WDFY3: variants seen among roughly 807,000 people sequenced by gnomAD.
WDFY3 encodes WD repeat and FYVE domain-containing protein 3.
Under a neutral mutation model 409.6 loss-of-function variants are expected in WDFY3, and 66 were observed. The ratio of observed to expected loss-of-function variants is 0.16; its 90% confidence interval spans 0.13 to 0.20. The LOEUF (loss-of-function observed/expected upper bound fraction) is 0.20, where lower values mean the gene tolerates loss of function less well. Ranked by LOEUF, WDFY3 falls within the 10% of genes least tolerant of loss-of-function variation. The pLI is 1.00. For synonymous variants in WDFY3, 1,521 were observed against 1,537.1 expected, an observed-to-expected ratio of 0.99 and a Z score of 0.25; for missense variants, 3,031 against 4,298.1, an observed-to-expected ratio of 0.71 and a Z score of 8.24.
At chr4:84,716,194 T>C (rs1263990665) in intron 49 of WDFY3, among the ~76,000 whole-genome samples, 1 of 151,876 alleles carries the variant, frequency 6.6e-6, no homozygotes, top group Non-Finnish European at 1.5e-5. Context: ...TCCCAGCACT[T>C]TGGGAGGCCG....
chr4:84,911,650 C>T (rs1164267693), intron 2 of WDFY3, among the ~76,000 whole-genome samples: 2 of 151,992 alleles, frequency 1.3e-5, no homozygotes, highest in African/African-American at 4.8e-5. Context: ...AGATTTGTGA[C>T]AATTTGAAAA....
chr4:84,844,484 G>A, intron 5 of WDFY3: 1 of 1,289,594 alleles, frequency 7.8e-7, no homozygotes, highest in Non-Finnish European at 1.0e-6. Flanking sequence ...TGAAATCCTT[G>A]GGGGACAGCA....
chr4:84,865,541 TC>T, intron 3 of WDFY3, among the ~76,000 whole-genome samples: 1 of 152,358 alleles, frequency 6.6e-6, no homozygotes, highest in Non-Finnish European at 1.5e-5. Context: ...TGGCCTGCCT[TC>T]GGCAAAAATC....
chr4:84,863,455 G>A (rs1437883608), intron 3 of WDFY3, among the ~76,000 whole-genome samples: 2 of 152,104 alleles, frequency 1.3e-5, no homozygotes, highest in Admixed American at 6.5e-5. Flanking sequence ...GTTTTGATCA[G>A]CATTTCCCTG....
chr4:84,840,189 C>G (rs916036198), intron 6 of WDFY3, among the ~76,000 whole-genome samples: 1 of 152,018 alleles, frequency 6.6e-6, no homozygotes, highest in Non-Finnish European at 1.5e-5. Context: ...CTTTCATCCC[C>G]AAAACATGAA....
chr4:84,690,449 G>A, intron 61 of WDFY3, 57 bp downstream of exon 61: 2 of 1,610,144 alleles, frequency 1.2e-6, no homozygotes, highest in Non-Finnish European at 1.7e-6. Flanking sequence ...TTCCTACAGG[G>A]TGTAGGCACA....
rs372061071 is a variant in WDFY3, at chr4:84,751,456, G to A, written c.5973+27C>T. Reference sequence around the variant, plus strand: ...CTAATTTAAAAAGTAATGCAAAAGAGATGTAAATGCGTTTCTTTTTCTTTA... The same window carrying A: ...CTAATTTAAAAAGTAATGCAAAAGAAATGTAAATGCGTTTCTTTTTCTTTA... On this transcript the variant is annotated intron_variant, in intron 36 of 67. Coordinates refer to ENST00000295888, the MANE Select transcript of WDFY3 (RefSeq NM_014991.6). 2.3e-4 allele frequency: 364 copies of A among 1,601,000 alleles called. 1 individual carries two copies. Among genetic ancestry groups the A allele is most frequent in the Non-Finnish European group, 3.0e-4 (355 of 1,168,312 alleles).
chr4:84,861,946 G>A (rs974013296), intron 3 of WDFY3, among the ~76,000 whole-genome samples: 1 of 152,178 alleles, frequency 6.6e-6, no homozygotes, highest in African/African-American at 2.4e-5. Flanking sequence ...TTTGGATGAA[G>A]GGCCATTTAC....
chr4:84,820,890 C>A (rs1753957693), intron 11 of WDFY3, among the ~76,000 whole-genome samples, 194 bp downstream of exon 11: 1 of 152,050 alleles, frequency 6.6e-6, no homozygotes, highest in Admixed American at 6.6e-5. Flanking sequence ...ATAATTCTAG[C>A]TTCCTCCTCC....
At chr4:84,936,962 T>C (rs922987432) in intron 1 of WDFY3, among the ~76,000 whole-genome samples, 2 of 151,998 alleles carry the variant, frequency 1.3e-5, no homozygotes, top group African/African-American at 4.8e-5. Flanking sequence ...ATTTCCTCCT[T>C]CCAATAAAGC....
At chr4:84,833,698 G>A (rs374408089) in intron 7 of WDFY3, among the ~76,000 whole-genome samples, 31 of 138,504 alleles carry the variant, frequency 2.2e-4, no homozygotes, top group African/African-American at 6.5e-4. Flanking sequence ...AAAGAGAAGA[G>A]AAGAGAAGAG....
chr4:84,868,558 C>A (rs1389632978), intron 3 of WDFY3, among the ~76,000 whole-genome samples: 1 of 152,114 alleles, frequency 6.6e-6, no homozygotes, highest in Non-Finnish European at 1.5e-5. Context: ...ACTATATATA[C>A]CCTGAGCTAC....
chr4:84,774,783 G>C, intron 29 of WDFY3, 37 bp downstream of exon 29: 1 of 1,563,570 alleles, frequency 6.4e-7, no homozygotes, highest in Non-Finnish European at 8.6e-7. Context: ...GGTACTTTTA[G>C]TTAATAAAAA....
chr4:84,740,044 C>G lies in WDFY3; in HGVS notation c.6464+143G>C, dbSNP rs962891918. ...ATTATTTCACTGCAAAAATTCAACA[C>G]TTGCCCTTTACCTTTTTACATAAAG... On this transcript the variant is annotated intron_variant, in intron 39 of 67. Coordinates refer to ENST00000295888, the MANE Select transcript of WDFY3 (RefSeq NM_014991.6). 45 of 836,726 alleles carry G rather than the reference C, an allele frequency of 5.4e-5. No homozygotes were observed. In the African/African-American group the frequency reaches 7.3e-4, roughly 13 times the overall value. 51.8% of individuals were successfully genotyped at this position (836,726 alleles called of 1,614,324 possible).
intron 48 of WDFY3, among the ~76,000 whole-genome samples, chr4:84,718,004 C>T (rs539464752): frequency 1.4e-3 from 183 of 133,898 alleles, no homozygotes; most frequent in African/African-American, 4.6e-3. Flanking sequence ...GCCGAGATTG[C>T]GCCACTGCCA....
At position 84,733,421 on chromosome 4, in the gene WDFY3, G is replaced by A; in HGVS notation, c.7182C>T (p.Tyr2394=). The A allele has an allele frequency of 6.2e-7, 1 of 1,614,058 alleles. No homozygotes were observed. The highest frequency in any genetic ancestry group is 1.1e-5 in the South Asian group (1 of 91,086). Reference sequence around the variant, plus strand: ...CTTGCTCAGTTTCTGGCACGTAAGGGTAATGGTTATAAAACATATCATTTC... The same window carrying A: ...CTTGCTCAGTTTCTGGCACGTAAGGATAATGGTTATAAAACATATCATTTC... The part of the protein sequence containing the change: ...MVRNDMFYNH[Y]PYVPETEQET... Residue 2394 remains tyrosine, a synonymous_variant, in exon 44 of 68, where the codon TAC becomes TAT. Transcript: ENST00000295888.
intron 47 of WDFY3, among the ~76,000 whole-genome samples, chr4:84,720,085 A>G (rs2149076993): frequency 6.6e-6 from 1 of 152,300 alleles, no homozygotes; most frequent in Non-Finnish European, 1.5e-5. Context: ...TCATTCCTTC[A>G]TTCAAAGGTT....
At chr4:84,727,014 A>G (rs1409595289) in intron 44 of WDFY3, 103 bp from the exon 45 acceptor site, 14 of 1,029,910 alleles carry the variant, frequency 1.4e-5, no homozygotes, top group Non-Finnish European at 2.0e-5. Flanking sequence ...TGAAAGATGT[A>G]GTTACTCAAA....
At chr4:84,921,862 A>AGCC (rs1263620425) in intron 2 of WDFY3, among the ~76,000 whole-genome samples, 5 of 151,534 alleles carry the variant, frequency 3.3e-5, no homozygotes, top group African/African-American at 1.2e-4. Flanking sequence ...TCACCATCTT[A>AGCC]GCCAGGTTGG....
Sources: allele counts gnomAD v4.1 joint callset (sites outside exome capture counted in the v4.1 genomes callset), GRCh38; gene constraint gnomAD v4.1.1; transcripts MANE v1.5; gene names NCBI Gene and HGNC (gene_info 2026-07-23, HGNC 2026-07-21).